Variants in ZBTB10 observed in about 807,000 individuals in gnomAD.
ZBTB10 encodes zinc finger and BTB domain containing 10.
ZBTB10 carries 32 observed loss-of-function variants against 76.4 expected under a neutral mutation model. That is an observed-to-expected ratio of 0.42 (90% CI 0.32 to 0.56). The LOEUF is 0.56. Ranked by LOEUF, ZBTB10 falls within the 20% of genes least tolerant of loss-of-function variation. The pLI, the probability that ZBTB10 is intolerant of heterozygous loss-of-function variation, is 0.14. For missense variants in ZBTB10, 1,057 were observed against 1,098.5 expected, an observed-to-expected ratio of 0.96 and a Z score of 0.53; for synonymous variants, 523 against 432.9, an observed-to-expected ratio of 1.21 and a Z score of -2.58.
intron 2 of ZBTB10, among the ~76,000 whole-genome samples, chr8:80,503,179 C>T (rs1353822608): frequency 6.6e-6 from 1 of 152,156 alleles, no homozygotes; most frequent in Non-Finnish European, 1.5e-5. Flanking sequence ...TCAGTTTCCT[C>T]ATTAAAATAT....
chr8:80,516,673 G>A (rs988311516), intron 3 of ZBTB10, among the ~76,000 whole-genome samples: 1 of 152,170 alleles, frequency 6.6e-6, no homozygotes, highest in Non-Finnish European at 1.5e-5. Flanking sequence ...ATCAAAAACC[G>A]GTGACGGTAT....
In ZBTB10 at chr8:80,486,559, G is replaced by A. The variant is rs1815460610; in HGVS notation, c.-252G>A. ...CGCGGGACGCTGCCCGGAGCGCGGCGGGGCGGGGGTGGAGGACGAGAGAGC... is the reference window on the plus strand; with the variant it reads ...CGCGGGACGCTGCCCGGAGCGCGGCAGGGCGGGGGTGGAGGACGAGAGAGC... On this transcript the variant is annotated 5_prime_UTR_variant, in exon 1 of 6. Transcript: ENST00000455036. The A allele has an allele frequency of 1.0e-6, 1 of 986,272 alleles. No individual in the cohort carries two copies. The highest frequency in any genetic ancestry group is 1.7e-5 in the African/African-American group (1 of 57,198). The allele number at this position is 986,272 out of a possible 1,614,324, so 61.1% of individuals were successfully genotyped here.
In ZBTB10 at chr8:80,510,201, T is replaced by G. The variant is rs140703983; in HGVS notation, c.1862-3709T>G. The stretch of plus-strand genomic sequence containing the variant: ...GGAATTAATGTTTATTTTTGTTCAT[T>G]TCACAAAAAGAGCATATCAAGTATC... On this transcript the variant is annotated intron_variant, in intron 2 of 5. Transcript: ENST00000455036. 3.9e-4 allele frequency among the ~76,000 whole-genome samples: 60 copies of G among 152,288 alleles called. No homozygotes were observed. The East Asian group carries it at 9.5e-3, about 24-fold the overall frequency.
In ZBTB10 at chr8:80,518,491, C is replaced by T. The variant is rs1212743887; in HGVS notation, c.2049C>T (p.Phe683=). The T allele has an allele frequency of 6.4e-7, 1 of 1,553,278 alleles. No homozygotes were observed. The change falls in exon 4 of 6, where the codon TTC becomes TTT. Residue 683 remains phenylalanine, a synonymous_variant. Transcript: ENST00000455036. ...YGLIPGTSND[F]KYGLIPGASN... ...TGATACCAGGTACTTCAAATGATTT[C>T]AAGTATGGATTGATACCAGGTGCTT... is the stretch of plus-strand genomic sequence containing the variant.
At chr8:80,500,518 C>T (rs886986479) in intron 2 of ZBTB10, 136 bp downstream of exon 2, 2 of 835,052 alleles carry the variant, frequency 2.4e-6, no homozygotes, top group East Asian at 2.8e-5. Context: ...GGGGGAACGT[C>T]ATTCAAATGC....
In ZBTB10 at chr8:80,493,679, ACC is replaced by A; in HGVS notation, c.973-5814_973-5813del. Among the ~76,000 whole-genome samples, 3 of 148,918 alleles carry A rather than the reference ACC, an allele frequency of 2.0e-5. No homozygotes were observed. The Middle Eastern group carries it at 0.01, about 517-fold the overall frequency. On this transcript the variant is annotated intron_variant, in intron 1 of 5. Coordinates refer to ENST00000455036, the MANE Select transcript of ZBTB10 (RefSeq NM_001105539.3). The stretch of plus-strand genomic sequence containing the variant: ...TTTAAAAACAAAACAAAAAAAAAAA[ACC>A]GAGCCGGGCGTGGTGGCGCATGCCT...
chr8:80,486,511 TC>T lies in ZBTB10; in HGVS notation c.-298del. 1.0e-6 allele frequency: 1 copy of T among 985,100 alleles called. No individual in the cohort carries two copies. The highest frequency in any genetic ancestry group is 1.2e-6 in the Non-Finnish European group (1 of 829,990). 61.0% of individuals were successfully genotyped at this position (985,100 alleles called of 1,614,324 possible). On this transcript the variant is annotated 5_prime_UTR_variant, in exon 1 of 6. Transcript: ENST00000455036. ...TCGCTGCAGGCTCGCTCCTCACCTCTCCGCCGCCCGCCCCCTTCTCCGCGCG... is the reference window on the plus strand; with the variant it reads ...TCGCTGCAGGCTCGCTCCTCACCTCTCGCCGCCCGCCCCCTTCTCCGCGCG...
intron 1 of ZBTB10, among the ~76,000 whole-genome samples, chr8:80,497,467 T>G (rs1402780388): frequency 8.1e-6 from 1 of 123,962 alleles, no homozygotes; most frequent in Non-Finnish European, 1.6e-5. Context: ...AACATTATTA[T>G]ATGGTGGGGG....
In ZBTB10 at chr8:80,525,188, G is replaced by T. The variant is rs1816536844; in HGVS notation, c.*5660G>T. The T allele has an allele frequency of 6.6e-6, 1 of 152,020 alleles. No homozygotes were observed. Among genetic ancestry groups the T allele is most frequent in the South Asian group, 2.1e-4 (1 of 4,820 alleles). The allele number at this position is 152,020 out of a possible 1,614,324, so 9.4% of individuals were successfully genotyped here. A position where few individuals can be genotyped will look rare whatever the true frequency, so the allele number is the denominator to read the frequency against. ...TGTTTGGGAGCAGGTGTAGGAAATT[G>T]AATTATTGGATCTATGTTTAGGTAA... On this transcript the variant is annotated 3_prime_UTR_variant, in exon 6 of 6. Coordinates refer to ENST00000455036, the MANE Select transcript of ZBTB10 (RefSeq NM_001105539.3).
rs1190391275 is a variant in ZBTB10, at chr8:80,521,470, C to T, written c.*1942C>T. The T allele has an allele frequency of 2.0e-5, 3 of 151,556 alleles. No homozygotes were observed. The highest frequency in any genetic ancestry group is 7.3e-5 in the African/African-American group (3 of 41,364). The allele number at this position is 151,556 out of a possible 1,614,324, so 9.4% of individuals were successfully genotyped here. On this transcript the variant is annotated 3_prime_UTR_variant, in exon 6 of 6. Coordinates refer to ENST00000455036, the MANE Select transcript of ZBTB10 (RefSeq NM_001105539.3). ...TAAAGATTTCTTTCATCCCATTTATCCCCTTCCTTTAAATAAACTAGTTTA... is the reference window on the plus strand; with the variant it reads ...TAAAGATTTCTTTCATCCCATTTATTCCCTTCCTTTAAATAAACTAGTTTA...
chr8:80,508,797 A>G (rs1219849170), intron 2 of ZBTB10, among the ~76,000 whole-genome samples: 1 of 152,234 alleles, frequency 6.6e-6, no homozygotes, highest in Non-Finnish European at 1.5e-5. Flanking sequence ...TACCTTGTCT[A>G]TAGGTATAAC....
intron 1 of ZBTB10, among the ~76,000 whole-genome samples, chr8:80,489,853 C>T (rs919884977): frequency 3.3e-5 from 5 of 152,252 alleles, no homozygotes; most frequent in African/African-American, 9.6e-5. Context: ...ATATTGGTCT[C>T]CTTGATTGGA....
At chr8:80,495,704 A>G (rs1435352241) in intron 1 of ZBTB10, among the ~76,000 whole-genome samples, 2 of 152,204 alleles carry the variant, frequency 1.3e-5, no homozygotes, top group Non-Finnish European at 2.9e-5. Flanking sequence ...ATGTAAAGTT[A>G]GGACTTTTCA....
At chr8:80,493,860 C>T (rs992003690) in intron 1 of ZBTB10, among the ~76,000 whole-genome samples, 5 of 152,130 alleles carry the variant, frequency 3.3e-5, no homozygotes, top group African/African-American at 7.2e-5. Context: ...GAATAACCAT[C>T]GTCTGTCTGC....
chr8:80,508,582 G>A (rs935272381), intron 2 of ZBTB10, among the ~76,000 whole-genome samples: 3 of 152,128 alleles, frequency 2.0e-5, no homozygotes, highest in Admixed American at 6.5e-5. Context: ...GATGCATGAC[G>A]GGGTGCAGTG....
intron 1 of ZBTB10, among the ~76,000 whole-genome samples, chr8:80,490,011 C>T (rs1476554970): frequency 1.3e-5 from 2 of 152,152 alleles, no homozygotes; most frequent in Non-Finnish European, 2.9e-5. Flanking sequence ...GTAACAGGTT[C>T]CTGATCTCTT....
At chr8:80,498,666 A>G (rs1815846941) in intron 1 of ZBTB10, among the ~76,000 whole-genome samples, 1 of 152,270 alleles carries the variant, frequency 6.6e-6, no homozygotes, top group South Asian at 2.1e-4. Context: ...TTCCAAGGAC[A>G]CGCAGTTAAT....
At chr8:80,506,267 A>AT (rs1263402057) in intron 2 of ZBTB10, among the ~76,000 whole-genome samples, 1 of 151,734 alleles carries the variant, frequency 6.6e-6, no homozygotes, top group African/African-American at 2.4e-5. Flanking sequence ...AGCTATTTAT[A>AT]TTTTTTTACT....
Position 80,486,894 on chromosome 8 carries a change from C to G in ZBTB10, c.84C>G (p.Asn28Lys), listed in dbSNP as rs1285488957. Residue 28 changes from asparagine to lysine, a missense_variant, in exon 1 of 6, where the codon AAC becomes AAG. Coordinates refer to ENST00000455036, the MANE Select transcript of ZBTB10 (RefSeq NM_001105539.3). ...CCGCTAGCGGCGGCGGCTCCACGAA[C>G]AATAACGCTGGCGGGGAGGCCTCAG... is the stretch of plus-strand genomic sequence containing the variant. Reference protein sequence around the residue: ...LVTASGGGSTNNNAGGEASAW... With the variant: ...LVTASGGGSTKNNAGGEASAW... 10 of 1,516,356 alleles carry G rather than the reference C, an allele frequency of 6.6e-6. No homozygotes were observed. The highest frequency in any genetic ancestry group is 8.8e-6 in the Non-Finnish European group (10 of 1,134,650). The allele number at this position is 1,516,356 out of a possible 1,614,324, so 93.9% of individuals were successfully genotyped here. A position where few individuals can be genotyped will look rare whatever the true frequency, so the allele number is the denominator to read the frequency against.
Sources: gnomAD v4.1 joint callset for allele counts (sites outside exome capture counted in the v4.1 genomes callset) on GRCh38, gnomAD v4.1.1 for gene constraint, MANE v1.5 for transcripts, NCBI Gene and HGNC (gene_info 2026-07-23, HGNC 2026-07-21) for gene names.